MCTP1: variants seen among roughly 807,000 people sequenced by gnomAD.
MCTP1 encodes the protein multiple C2 and transmembrane domain containing 1.
MCTP1 carries 69 observed loss-of-function variants against 120.6 expected under a neutral mutation model. The ratio of observed to expected loss-of-function variants is 0.57; its 90% CI spans 0.47 to 0.70. The LOEUF (loss-of-function observed/expected upper bound fraction) is 0.70. Ranked by LOEUF, MCTP1 falls within the 30% of genes least tolerant of loss-of-function variation. The pLI, the probability that MCTP1 is intolerant of heterozygous loss-of-function variation, is 0.00. For missense variants in MCTP1, 1,203 were observed against 1,248.8 expected (o/e 0.96, Z 0.55); for synonymous variants, 529 against 493.1 (o/e 1.07, Z -0.96).
At chr5:94,759,875 A>G (rs529676004) in intron 19 of MCTP1, among the ~76,000 whole-genome samples, 1 of 125,924 alleles carries the variant, frequency 7.9e-6, no homozygotes, top group African/African-American at 3.0e-5. Context: ...CTTTCTTTGC[A>G]TTCATTATCC....
At chr5:95,205,480 A>G (rs771905300) in intron 1 of MCTP1, among the ~76,000 whole-genome samples, 4 of 152,190 alleles carry the variant, frequency 2.6e-5, no homozygotes, top group Non-Finnish European at 5.9e-5. Context: ...AAGAAAAAAT[A>G]ACGGTACTTC....
At chr5:95,159,580 T>C (rs896333564) in intron 1 of MCTP1, among the ~76,000 whole-genome samples, 1 of 152,296 alleles carries the variant, frequency 6.6e-6, no homozygotes, top group South Asian at 2.1e-4. Flanking sequence ...GGTTCTAAAA[T>C]GTGAGTATGT....
At chr5:94,914,085 A>T (rs1809468036) in intron 8 of MCTP1, among the ~76,000 whole-genome samples, 1 of 152,182 alleles carries the variant, frequency 6.6e-6, no homozygotes, top group Admixed American at 6.5e-5. Context: ...TGGCCACATA[A>T]TCTCTTTAAA....
chr5:95,274,693 G>T (rs1759678653), intron 1 of MCTP1, among the ~76,000 whole-genome samples: 2 of 151,650 alleles, frequency 1.3e-5, no homozygotes, highest in South Asian at 2.1e-4. Flanking sequence ...GTGTGATCTT[G>T]GCTCACTGCA....
chr5:95,157,191 T>C (rs1422735489), intron 1 of MCTP1, among the ~76,000 whole-genome samples: 1 of 152,194 alleles, frequency 6.6e-6, no homozygotes, highest in Non-Finnish European at 1.5e-5. Context: ...AGAAAGACTA[T>C]GAAAATCCAA....
At chr5:94,790,812 A>G (rs1486076109) in intron 18 of MCTP1, among the ~76,000 whole-genome samples, 1 of 152,194 alleles carries the variant, frequency 6.6e-6, no homozygotes, top group Non-Finnish European at 1.5e-5. Context: ...GCACAGCTGT[A>G]TAAAATGTTA....
intron 18 of MCTP1, among the ~76,000 whole-genome samples, chr5:94,782,876 C>T (rs756283362): frequency 6.6e-6 from 1 of 152,072 alleles, no homozygotes; most frequent in Non-Finnish European, 1.5e-5. Flanking sequence ...GATACATTTA[C>T]GAAGTTCGGT....
At chr5:95,155,116 T>C (rs1404340872) in intron 1 of MCTP1, among the ~76,000 whole-genome samples, 3 of 152,166 alleles carry the variant, frequency 2.0e-5, no homozygotes, top group Non-Finnish European at 4.4e-5. Context: ...TAGCCTTTGC[T>C]TTACAGAAAA....
intron 1 of MCTP1, among the ~76,000 whole-genome samples, chr5:95,057,686 G>A (rs938644197): frequency 6.6e-6 from 1 of 152,146 alleles, no homozygotes; most frequent in African/African-American, 2.4e-5. Context: ...CTCACCCCCA[G>A]CTTTACCTTG....
chr5:95,024,238 T>C, intron 1 of MCTP1: 1 of 262,488 alleles, frequency 3.8e-6, no homozygotes, highest in Non-Finnish European at 7.7e-6. Context: ...TCAGGTCTTA[T>C]GCTTAAGTCT....
chr5:95,268,596 G>C (rs1759100093), intron 1 of MCTP1, among the ~76,000 whole-genome samples: 1 of 152,120 alleles, frequency 6.6e-6, no homozygotes, highest in Non-Finnish European at 1.5e-5. Context: ...AAAAGCTTGG[G>C]GTATAGATAC....
At chr5:95,214,566 A>G (rs1327718235) in intron 1 of MCTP1, among the ~76,000 whole-genome samples, 2 of 152,102 alleles carry the variant, frequency 1.3e-5, no homozygotes, top group Non-Finnish European at 2.9e-5. Flanking sequence ...ACATGCACAT[A>G]TATGTTTATT....
chr5:95,152,849 C>T (rs1272476887), intron 1 of MCTP1, among the ~76,000 whole-genome samples: 3 of 152,092 alleles, frequency 2.0e-5, no homozygotes, highest in African/African-American at 7.2e-5. Flanking sequence ...AACTTGGTCC[C>T]AAATGATTCC....
intron 1 of MCTP1, among the ~76,000 whole-genome samples, chr5:95,211,554 G>T (rs561587534): frequency 6.6e-6 from 1 of 152,070 alleles, no homozygotes; most frequent in Non-Finnish European, 1.5e-5. Context: ...CTCTGTATTG[G>T]TTATTCTAGT....
intron 2 of MCTP1, among the ~76,000 whole-genome samples, chr5:94,970,911 T>C (rs534199114): frequency 1.3e-5 from 2 of 152,008 alleles, no homozygotes; most frequent in South Asian, 2.1e-4. Context: ...GTGTCACCAA[T>C]AACTTTTAAA....
chr5:95,032,519 T>TA (rs1363540083), intron 1 of MCTP1, among the ~76,000 whole-genome samples: 2 of 151,768 alleles, frequency 1.3e-5, no homozygotes, highest in Non-Finnish European at 2.9e-5. Context: ...AAGATGGAAA[T>TA]AAAAAAAATT....
intron 7 of MCTP1, among the ~76,000 whole-genome samples, chr5:94,919,225 A>C (rs1475332581): frequency 6.6e-6 from 1 of 152,212 alleles, no homozygotes; most frequent in Non-Finnish European, 1.5e-5. Flanking sequence ...AATGTCTACC[A>C]GTAAGGTGGT....
intron 19 of MCTP1, among the ~76,000 whole-genome samples, chr5:94,738,209 G>A (rs906651347): frequency 1.3e-5 from 2 of 152,114 alleles, no homozygotes; most frequent in African/African-American, 4.8e-5. Flanking sequence ...CCAGAAATTT[G>A]GCAGAATAAT....
At chr5:95,283,528 T>C (rs33809) in intron 1 of MCTP1, among the ~76,000 whole-genome samples, 90,729 of 152,122 alleles carry the variant, frequency 0.6, 27,626 homozygotes, top group East Asian at 0.81. Flanking sequence ...TTTTTTCTTT[T>C]GCCAAGATGA....
Sources: gnomAD v4.1 joint callset for allele counts (sites outside exome capture counted in the v4.1 genomes callset) on GRCh38, gnomAD v4.1.1 for gene constraint, MANE v1.5 for transcripts, NCBI Gene and HGNC (gene_info 2026-07-23, HGNC 2026-07-21) for gene names.